The following SHISA6 variants were observed in gnomAD, a reference collection of about 807,000 sequenced individuals.
SHISA6 encodes the protein shisa family member 6.
SHISA6 carries 22 observed loss-of-function variants against 47.9 expected under a neutral mutation model. The observed-to-expected ratio is 0.46, with a 90% CI of 0.33 to 0.66. The LOEUF (loss-of-function observed/expected upper bound fraction) is 0.66, where lower values mean the gene tolerates loss of function less well. SHISA6 is among the 30% of genes least tolerant of loss of function. The pLI, the probability that SHISA6 is intolerant of heterozygous loss-of-function variation, is 0.02. For synonymous variants in SHISA6, 388 were observed against 337.8 expected (o/e 1.15, Z -1.63); for missense variants, 680 against 764.6 (o/e 0.89, Z 1.30).
chr17:11,396,029 C>G (rs1913560313), intron 3 of SHISA6, among the ~76,000 whole-genome samples: 1 of 152,158 alleles, frequency 6.6e-6, no homozygotes, highest in Non-Finnish European at 1.5e-5. Context: ...CAGATTGATT[C>G]ACAAGAATTC....
rs1305175614 is a variant in SHISA6 at position 11,241,894 on chromosome 17, G to A, written c.472G>A (p.Val158Met). The change falls in exon 1 of 6, where the codon GTG (valine) becomes ATG (methionine). Residue 158 changes from valine to methionine, a missense_variant. Physicochemically the swap from Val to Met is conservative, Grantham distance 21. This residue lies in a region of SHISA6 where 559 missense variants were observed against 674.1 expected (regional missense o/e 0.83). Transcript: ENST00000441885. This position sits in a 1 kb window ranked among gnomAD's most constrained non-coding sequence, Gnocchi z 5.5. ...GTGGGTACAGACGCCCAGCACCAAG[G>A]TGGTGTCGCCGGGGCCCGAGAACAA... ...PVWVQTPSTK[V>M]VSPGPENKYD... 4 of 1,551,166 alleles carry A rather than the reference G, an allele frequency of 2.6e-6. No homozygotes were observed. The highest frequency in any genetic ancestry group is 3.5e-6 in the Non-Finnish European group (4 of 1,147,016).
At chr17:11,505,785 A>G (rs1367692993) in intron 3 of SHISA6, among the ~76,000 whole-genome samples, 3 of 152,246 alleles carry the variant, frequency 2.0e-5, no homozygotes, top group Non-Finnish European at 4.4e-5. Flanking sequence ...CTTCTTTGTG[A>G]ACCTATGTGC....
intron 3 of SHISA6, among the ~76,000 whole-genome samples, chr17:11,477,914 T>C (rs1426622935): frequency 6.8e-6 from 1 of 145,996 alleles, no homozygotes; most frequent in African/African-American, 2.6e-5. Context: ...GCATGATTCA[T>C]AGTCCTTTGG....
chr17:11,457,623 C>T (rs373158633), intron 3 of SHISA6, among the ~76,000 whole-genome samples: 41 of 151,444 alleles, frequency 2.7e-4, no homozygotes, highest in South Asian at 2.1e-3. Flanking sequence ...TACCTGTAGT[C>T]GCAGCTACTT....
At chr17:11,464,964 A>G (rs2142316635) in intron 3 of SHISA6, among the ~76,000 whole-genome samples, 1 of 152,072 alleles carries the variant, frequency 6.6e-6, no homozygotes, top group East Asian at 1.9e-4. Context: ...ACCCTTTTAT[A>G]AGCACCAGGT....
At chr17:11,349,393 T>G (rs750950813) in intron 2 of SHISA6, among the ~76,000 whole-genome samples, 1 of 152,216 alleles carries the variant, frequency 6.6e-6, no homozygotes, top group Non-Finnish European at 1.5e-5. Context: ...CAGAGTTGGT[T>G]TGGGAGTAAA....
chr17:11,450,805 C>T (rs962817054), intron 3 of SHISA6, among the ~76,000 whole-genome samples: 3 of 151,920 alleles, frequency 2.0e-5, no homozygotes, highest in Non-Finnish European at 4.4e-5. Context: ...AAAGAAGAAC[C>T]AATTGGTCGA....
chr17:11,499,235 C>G (rs1378485913), intron 3 of SHISA6, among the ~76,000 whole-genome samples: 1 of 152,198 alleles, frequency 6.6e-6, no homozygotes, highest in South Asian at 2.1e-4. Context: ...AGATCTGACA[C>G]TGAGATGACG....
intron 2 of SHISA6, among the ~76,000 whole-genome samples, chr17:11,377,882 G>T (rs1469421842): frequency 6.6e-6 from 1 of 152,154 alleles, no homozygotes; most frequent in Non-Finnish European, 1.5e-5. Flanking sequence ...GAGTCTGAGG[G>T]TCTGCATTTT....
intron 1 of SHISA6, among the ~76,000 whole-genome samples, chr17:11,245,663 G>A (rs1440002092): frequency 6.8e-6 from 1 of 147,142 alleles, no homozygotes; most frequent in Non-Finnish European, 1.5e-5. Context: ...TTAGGATGCT[G>A]GAGACGCAGT....
intron 3 of SHISA6, among the ~76,000 whole-genome samples, chr17:11,512,103 G>A (rs1225197908): frequency 2.0e-5 from 3 of 152,200 alleles, no homozygotes; most frequent in Non-Finnish European, 4.4e-5. Flanking sequence ...GATTTCTTAA[G>A]TACAATTTCA....
At chr17:11,244,594 AGACT>A (rs1414934936) in intron 1 of SHISA6, among the ~76,000 whole-genome samples, 1 of 152,080 alleles carries the variant, frequency 6.6e-6, no homozygotes, top group Non-Finnish European at 1.5e-5. Context: ...ATTTTTGTGT[AGACT>A]GTCTTGTTGG....
chr17:11,243,681 G>A (rs1314511583), intron 1 of SHISA6, among the ~76,000 whole-genome samples: 1 of 152,188 alleles, frequency 6.6e-6, no homozygotes, highest in Non-Finnish European at 1.5e-5. Context: ...AATTGCCCGT[G>A]GGCAGGTGCT....
intron 2 of SHISA6, among the ~76,000 whole-genome samples, chr17:11,297,400 A>G (rs1329095217): frequency 6.6e-6 from 1 of 152,138 alleles, no homozygotes; most frequent in Non-Finnish European, 1.5e-5. Context: ...TCATTCTACT[A>G]CACGAGGTTG....
chr17:11,253,149 C>T (rs1416085201), intron 1 of SHISA6, among the ~76,000 whole-genome samples: 4 of 152,136 alleles, frequency 2.6e-5, no homozygotes, highest in African/African-American at 7.2e-5. Context: ...GTGTCTTCTC[C>T]ATCTGTCCTT....
intron 3 of SHISA6, among the ~76,000 whole-genome samples, chr17:11,512,506 C>G (rs1400269621): frequency 6.6e-6 from 1 of 152,128 alleles, no homozygotes; most frequent in Non-Finnish European, 1.5e-5. Flanking sequence ...AACAAGTCAA[C>G]TTCTTTTTTT....
intron 3 of SHISA6, among the ~76,000 whole-genome samples, chr17:11,535,996 A>G (rs890451117): frequency 6.6e-6 from 1 of 152,116 alleles, no homozygotes; most frequent in Non-Finnish European, 1.5e-5. Flanking sequence ...ATATCTATAT[A>G]TACAGATAGA....
At chr17:11,533,587 A>ATTTTTTTTTTTTTTTTT (rs3038696) in intron 3 of SHISA6, among the ~76,000 whole-genome samples, 1 of 94,998 alleles carries the variant, frequency 1.1e-5, no homozygotes, top group Non-Finnish European at 2.0e-5. Flanking sequence ...CCCTTTCATT[A>ATTTTTTTTTTTTTTTTT]TTTTTTTTTT....
At chr17:11,496,712 C>A (rs938113278) in intron 3 of SHISA6, among the ~76,000 whole-genome samples, 1 of 149,938 alleles carries the variant, frequency 6.7e-6, no homozygotes, top group Admixed American at 6.7e-5. Context: ...GCAATCTAGC[C>A]CAGGTGACAG....
Sources: gnomAD v4.1 joint callset for allele counts (sites outside exome capture counted in the v4.1 genomes callset) on GRCh38, gnomAD v4.1.1 for gene constraint, gnomAD v4.1.1 regional missense constraint, Gnocchi (gnomAD v3.1) non-coding constraint, MANE v1.5 for transcripts, NCBI Gene and HGNC (gene_info 2026-07-23, HGNC 2026-07-21) for gene names.